Variants in GALK2 observed in about 807,000 individuals in gnomAD.
The protein encoded by GALK2 is galactokinase 2.
A neutral mutation model predicts 52.4 loss-of-function variants in GALK2; 36 were observed. That is an observed-to-expected ratio of 0.69 (90% confidence interval 0.53 to 0.91). The LOEUF (loss-of-function observed/expected upper bound fraction) is 0.91, where lower values mean the gene tolerates loss of function less well. Among genes scored for constraint, GALK2 ranks in the 40% least tolerant of loss-of-function variants. GALK2 has a pLI of 0.00. For synonymous variants in GALK2, 176 were observed against 199.1 expected, an observed-to-expected ratio of 0.88 and a Z score of 0.98; for missense variants, 579 against 559.1, an observed-to-expected ratio of 1.04 and a Z score of -0.36.
chr15:49,207,171 A>C (rs1302047361), intron 2 of GALK2, among the ~76,000 whole-genome samples: 1 of 152,188 alleles, frequency 6.6e-6, no homozygotes. Flanking sequence ...CCATCCCTGC[A>C]TCCCTGGTGT....
chr15:49,337,762 A>G (rs1308675462), intron 3 of GALK2, among the ~76,000 whole-genome samples: 2 of 151,516 alleles, frequency 1.3e-5, no homozygotes, highest in Non-Finnish European at 1.5e-5. Context: ...GAGTGAGAAC[A>G]TGCAATGTTT....
chr15:49,251,720 C>T (rs966089104), intron 5 of GALK2, among the ~76,000 whole-genome samples: 2 of 152,178 alleles, frequency 1.3e-5, no homozygotes, highest in Non-Finnish European at 2.9e-5. Flanking sequence ...TGCTTCATTT[C>T]TTAACCTTGA....
intron 1 of GALK2, among the ~76,000 whole-genome samples, chr15:49,195,716 G>A (rs907627230): frequency 3.9e-5 from 6 of 152,100 alleles, no homozygotes; most frequent in Admixed American, 1.3e-4. Flanking sequence ...TGGTTTGAAA[G>A]AGCAGGGAAA....
intron 3 of GALK2, among the ~76,000 whole-genome samples, chr15:49,231,050 G>A (rs1004034534): frequency 6.6e-6 from 1 of 152,026 alleles, no homozygotes; most frequent in Non-Finnish European, 1.5e-5. Context: ...TAATTCTGTG[G>A]GAGCTGGCAC....
chr15:49,211,705 G>T, intron 2 of GALK2, among the ~76,000 whole-genome samples: 1 of 152,182 alleles, frequency 6.6e-6, no homozygotes, highest in African/African-American at 2.4e-5. Context: ...AAGGAGGCAC[G>T]CCGTACATGG....
At chr15:49,307,296 A>G (rs1365844315) in intron 8 of GALK2, among the ~76,000 whole-genome samples, 1 of 152,076 alleles carries the variant, frequency 6.6e-6, no homozygotes, top group Non-Finnish European at 1.5e-5. Flanking sequence ...CATTTGGGGG[A>G]CTGTTGATGT....
At chr15:49,223,282 C>T (rs936202833) in intron 3 of GALK2, 37 of 151,934 alleles carry the variant, frequency 2.4e-4, no homozygotes, top group African/African-American at 8.4e-4. Flanking sequence ...CACTTTTTTT[C>T]GTGGTTAATC....
rs1164202892 is a variant in GALK2 at position 49,331,099 on chromosome 15, T to C, written c.*2940T>C. 6.6e-6 allele frequency: 1 copy of C among 152,262 alleles called. No individual in the cohort carries two copies. The highest frequency in any genetic ancestry group is 1.5e-5 in the Non-Finnish European group (1 of 68,074). The allele number at this position is 152,262 out of a possible 1,614,324, so 9.4% of individuals were successfully genotyped here. Reference sequence around the variant, plus strand: ...ATTTGATTTGATCCATTTTTGACATTATACTAGCAGCCAATGGGATTGCTC... The same window carrying C: ...ATTTGATTTGATCCATTTTTGACATCATACTAGCAGCCAATGGGATTGCTC... On this transcript the variant is annotated 3_prime_UTR_variant, in exon 10 of 10. Transcript: ENST00000560031.
chr15:49,238,128 A>T (rs184825086), intron 4 of GALK2, among the ~76,000 whole-genome samples: 14 of 152,308 alleles, frequency 9.2e-5, no homozygotes, highest in Non-Finnish European at 1.8e-4. Context: ...TCTCCCTTGT[A>T]TAATAGGTAT....
intron 3 of GALK2, among the ~76,000 whole-genome samples, chr15:49,355,050 TAACA>T (rs1596453878): frequency 6.6e-6 from 1 of 150,762 alleles, no homozygotes; most frequent in Non-Finnish European, 1.5e-5. Context: ...GAAGGAAAAC[TAACA>T]AACAGAAAGG....
chr15:49,265,542 G>A (rs987294686), intron 5 of GALK2, among the ~76,000 whole-genome samples: 1 of 152,216 alleles, frequency 6.6e-6, no homozygotes, highest in Admixed American at 6.5e-5. Flanking sequence ...GCAATGCCTC[G>A]CCCTGTTTTG....
At chr15:49,279,969 CAACAAGGA>C (rs1267565078) in intron 5 of GALK2, among the ~76,000 whole-genome samples, 4 of 152,178 alleles carry the variant, frequency 2.6e-5, no homozygotes, top group African/African-American at 9.7e-5. Flanking sequence ...TCCACATGAC[CAACAAGGA>C]ATATGACACT....
chr15:49,335,035 A>G (rs117761715), downstream of GALK2, among the ~76,000 whole-genome samples: 489 of 152,296 alleles, frequency 3.2e-3, 16 homozygotes, highest in East Asian at 0.089. Context: ...TCCTTGCTTG[A>G]CACCAGCCCA....
chr15:49,204,875 C>A (rs544140577), intron 2 of GALK2, among the ~76,000 whole-genome samples: 1 of 152,090 alleles, frequency 6.6e-6, no homozygotes, highest in African/African-American at 2.4e-5. Flanking sequence ...CACAAGTCCC[C>A]GATGTCCATT....
chr15:49,287,676 G>A (rs1460926583), intron 7 of GALK2, among the ~76,000 whole-genome samples: 1 of 152,164 alleles, frequency 6.6e-6, no homozygotes, highest in Non-Finnish European at 1.5e-5. Flanking sequence ...CAACAATAAT[G>A]AAGTGTCAGT....
chr15:49,239,322 T>C lies in GALK2; in HGVS notation c.459T>C (p.Cys153=). The C allele has an allele frequency of 6.2e-7, 1 of 1,614,172 alleles. No individual in the cohort carries two copies. The highest frequency in any genetic ancestry group is 1.1e-5 in the South Asian group (1 of 91,082). ...CCAGCTCCAGTGCTTTGGTCTGTTG[T>C]GCTGGCTTGGTGACGCTCACAGTGC... ...GLSSSSALVC[C]AGLVTLTVLG... The change falls in exon 5 of 10, where the codon TGT becomes TGC. Residue 153 remains cysteine, a synonymous_variant. Transcript: ENST00000560031.
At chr15:49,258,827 TGTGAGAGA>T (rs1240970544) in intron 5 of GALK2, among the ~76,000 whole-genome samples, 1 of 123,626 alleles carries the variant, frequency 8.1e-6, no homozygotes, top group Non-Finnish European at 1.7e-5. Context: ...TGTGTGTGTG[TGTGAGAGA>T]GAGAGAGAGA....
chr15:49,299,735 T>TTTCTTTCTTTCTTTCTTTC (rs1347140534), intron 8 of GALK2, among the ~76,000 whole-genome samples: 6 of 77,530 alleles, frequency 7.7e-5, no homozygotes, highest in South Asian at 4.5e-4. Context: ...TCTTTCTTTC[T>TTTCTTTCTTTCTTTCTTTC]TTTCTTTCTT....
intron 1 of GALK2, among the ~76,000 whole-genome samples, chr15:49,157,159 C>G (rs1595835113): frequency 6.6e-6 from 1 of 152,136 alleles, no homozygotes; most frequent in Non-Finnish European, 1.5e-5. Flanking sequence ...TTAAATTGGT[C>G]ATATGACCCC....
Sources: gnomAD v4.1 joint callset for allele counts (sites outside exome capture counted in the v4.1 genomes callset) on GRCh38, gnomAD v4.1.1 for gene constraint, MANE v1.5 for transcripts, NCBI Gene and HGNC (gene_info 2026-07-23, HGNC 2026-07-21) for gene names.